The following XPO1 variants were observed in gnomAD, a reference collection of about 807,000 sequenced individuals.
XPO1 encodes exportin-1.
In XPO1, 5 loss-of-function variants were observed where a neutral mutation model predicts 133.3. The observed-to-expected ratio is 0.04, with a 90% confidence interval of 0.02 to 0.08. The LOEUF is 0.08. Among genes scored for constraint, XPO1 ranks in the 10% least tolerant of loss-of-function variants. The pLI is 1.00. For synonymous variants in XPO1, 419 were observed against 408.2 expected (o/e 1.03, Z -0.32); for missense variants, 506 against 1,267.5 (o/e 0.40, Z 9.12).
intron 4 of XPO1, among the ~76,000 whole-genome samples, chr2:61,520,521 G>T (rs1698637709): frequency 6.6e-6 from 1 of 151,924 alleles, no homozygotes; most frequent in Admixed American, 6.6e-5. Flanking sequence ...GCATGGTGGG[G>T]CATGCCTATG....
At chr2:61,498,935 A>C (rs754169444) in intron 7 of XPO1, 22 bp from the exon 8 acceptor site, 1 of 1,564,040 alleles carries the variant, frequency 6.4e-7, no homozygotes. Flanking sequence ...AACACACAAA[A>C]ATATCAGATT....
Position 61,483,973 on chromosome 2 carries a change from C to A in XPO1, c.2641G>T (p.Ala881Ser). The A allele has an allele frequency of 6.2e-7, 1 of 1,613,600 alleles. No homozygotes were observed. Among genetic ancestry groups the A allele is most frequent in the East Asian group, 2.2e-5 (1 of 44,836 alleles). Residue 881 changes from alanine to serine, a missense_variant, in exon 21 of 25, where the codon GCT becomes TCT. Transcript: ENST00000401558. ...ACATTCCTCATAGTATGTTTGAAAG[C>A]CCAAATGATGGAATCCAAAACAAGT... is the stretch of plus-strand genomic sequence containing the variant. Reference protein sequence around the residue: ...FKLVLDSIIWAFKHTMRNVAD... With the variant: ...FKLVLDSIIWSFKHTMRNVAD...
chr2:61,531,308 C>A (rs116342388), intron 2 of XPO1, among the ~76,000 whole-genome samples: 154 of 152,320 alleles, frequency 1.0e-3, no homozygotes, highest in African/African-American at 3.5e-3. Flanking sequence ...CTATTAACTA[C>A]TGCAGACAAA....
rs372482223 is a variant in XPO1, at chr2:61,499,313, T to C, written c.590+400A>G. ...CTGCAGTCACAGCTATTTGGGAAACTGAGGCAAGAAAATCACCTCAATCCA... is the reference window on the plus strand; with the variant it reads ...CTGCAGTCACAGCTATTTGGGAAACCGAGGCAAGAAAATCACCTCAATCCA... On this transcript the variant is annotated intron_variant, in intron 7 of 24. Transcript: ENST00000401558. 8.6e-3 allele frequency among the ~76,000 whole-genome samples: 1,305 copies of C among 152,288 alleles called. 28 individuals are homozygous for C. Among genetic ancestry groups the C allele is most frequent in the South Asian group, 0.049 (237 of 4,830 alleles).
At chr2:61,525,833 A>G (rs1369064456) in intron 3 of XPO1, 15 of 1,042,320 alleles carry the variant, frequency 1.4e-5, no homozygotes, top group Non-Finnish European at 1.7e-5. Flanking sequence ...TTCGTGTATT[A>G]AACAGAATGC....
intron 4 of XPO1, among the ~76,000 whole-genome samples, chr2:61,521,779 C>T (rs367814120): frequency 2.1e-4 from 32 of 151,842 alleles, no homozygotes; most frequent in Admixed American, 9.9e-4. Flanking sequence ...TTTTTTGAGA[C>T]GGAGTTTCGC....
At chr2:61,498,183 G>A (rs1697335447) in intron 9 of XPO1, among the ~76,000 whole-genome samples, 1 of 152,096 alleles carries the variant, frequency 6.6e-6, no homozygotes. Flanking sequence ...TGCACCTTCT[G>A]CCTCCTGAGT....
chr2:61,524,625 T>C (rs1698837365), intron 3 of XPO1, among the ~76,000 whole-genome samples: 1 of 152,220 alleles, frequency 6.6e-6, no homozygotes, highest in African/African-American at 2.4e-5. Context: ...TTACATTCCT[T>C]TGAAAAAATG....
At chr2:61,497,540 A>G (rs1166991484) in intron 9 of XPO1, among the ~76,000 whole-genome samples, 2 of 152,208 alleles carry the variant, frequency 1.3e-5, no homozygotes, top group Admixed American at 6.5e-5. Context: ...GTGTCCTAAA[A>G]TAACAAGGCT....
chr2:61,494,342 G>T, intron 11 of XPO1: 1 of 356,678 alleles, frequency 2.8e-6, no homozygotes, highest in Non-Finnish European at 5.2e-6. Flanking sequence ...CTAATGGAAC[G>T]ACATTTATTT....
At chr2:61,482,114 G>A (rs1345004424) in intron 23 of XPO1, among the ~76,000 whole-genome samples, 2 of 151,044 alleles carry the variant, frequency 1.3e-5, no homozygotes, top group Non-Finnish European at 2.9e-5. Flanking sequence ...ACAGTGGTGC[G>A]ATCATAGCTC....
At chr2:61,514,052 T>C (rs1698230959) in intron 4 of XPO1, among the ~76,000 whole-genome samples, 2 of 151,902 alleles carry the variant, frequency 1.3e-5, no homozygotes, top group African/African-American at 2.4e-5. Flanking sequence ...CAGGGCGTGG[T>C]GGTGCATACC....
intron 20 of XPO1, 196 bp from the exon 21 acceptor site, chr2:61,484,301 A>C: frequency 3.9e-6 from 2 of 512,280 alleles, no homozygotes; most frequent in Non-Finnish European, 6.9e-6. Flanking sequence ...CCCGTTACGC[A>C]CATGAGTTAT....
intron 22 of XPO1, 58 bp from the exon 23 acceptor site, chr2:61,482,597 G>A (rs1696441596): frequency 3.3e-6 from 4 of 1,195,106 alleles, no homozygotes; most frequent in African/African-American, 2.1e-5. Flanking sequence ...AGATCTTAGC[G>A]TTTTTTTTTG....
chr2:61,491,017 C>T (rs12613792), intron 16 of XPO1, among the ~76,000 whole-genome samples: 1 of 151,992 alleles, frequency 6.6e-6, no homozygotes, highest in South Asian at 2.1e-4. Context: ...ATTAGCCAAG[C>T]GTGGTGGCAG....
chr2:61,493,813 A>G, intron 12 of XPO1, 81 bp downstream of exon 12: 8 of 1,424,132 alleles, frequency 5.6e-6, no homozygotes, highest in Non-Finnish European at 7.8e-6. Flanking sequence ...TAATTTATTT[A>G]CACAGATTAG....
At chr2:61,493,742 C>G (rs1697107663) in intron 12 of XPO1, 152 bp downstream of exon 12, 2 of 794,400 alleles carry the variant, frequency 2.5e-6, no homozygotes, top group East Asian at 5.0e-5. Flanking sequence ...CTAGACTCAA[C>G]TCCTTTCATG....
intron 1 of XPO1, chr2:61,536,588 T>G (rs1375330608): frequency 1.3e-5 from 2 of 152,300 alleles, no homozygotes; most frequent in African/African-American, 4.8e-5. Flanking sequence ...CCTTAGGTTG[T>G]GTGGGCAATC....
chr2:61,483,602 T>A (rs1027169003), intron 21 of XPO1: 1 of 188,758 alleles, frequency 5.3e-6, no homozygotes. Context: ...GGAAAAAAAT[T>A]ACAATCTAAG....
Sources: allele counts gnomAD v4.1 joint callset (sites outside exome capture counted in the v4.1 genomes callset), GRCh38; gene constraint gnomAD v4.1.1; transcripts MANE v1.5; gene names NCBI Gene and HGNC (gene_info 2026-07-23, HGNC 2026-07-21).